DAB2IP: variants seen among roughly 807,000 people sequenced by gnomAD.
The protein encoded by DAB2IP is DAB2 interacting protein, also known as disabled homolog 2-interacting protein.
DAB2IP carries 28 observed loss-of-function variants against 107.2 expected under a neutral mutation model. The ratio of observed to expected loss-of-function variants is 0.26; its 90% CI spans 0.19 to 0.36. DAB2IP has a LOEUF of 0.36. Ranked by LOEUF, DAB2IP falls within the 10% of genes least tolerant of loss-of-function variation. The pLI is 1.00. For synonymous variants in DAB2IP, 755 were observed against 706.4 expected (o/e 1.07, Z -1.09); for missense variants, 1,400 against 1,644.7 (o/e 0.85, Z 2.57).
rs1288862024 is a variant in DAB2IP, at chr9:121,782,366, C to T, written c.3438C>T (p.Ala1146=). ...TTGCCTCGTTGGATGCCGCCAATGC[C>T]CGCCTCATGAGTGCCCTGACCCAGC... Residue 1146 remains alanine, a synonymous_variant, in exon 16 of 16, where the codon GCC becomes GCT. Transcript: ENST00000408936. The surrounding 1 kb of genome is among the most constrained non-coding windows in gnomAD (Gnocchi z 6.1). 9 of 1,613,946 alleles carry T rather than the reference C, an allele frequency of 5.6e-6. No individual in the cohort carries two copies. The highest frequency in any genetic ancestry group is 7.6e-6 in the Non-Finnish European group (9 of 1,179,954).
upstream of DAB2IP, among the ~76,000 whole-genome samples, chr9:121,650,378 GA>G (rs1218912445): frequency 1.3e-5 from 2 of 152,226 alleles, no homozygotes; most frequent in Non-Finnish European, 2.9e-5. Context: ...GAGCGCTAGG[GA>G]GGGGGCTTCC....
intron 3 of DAB2IP, among the ~76,000 whole-genome samples, chr9:121,731,469 G>A (rs1831536754): frequency 1.3e-5 from 2 of 152,238 alleles, no homozygotes; most frequent in Admixed American, 1.3e-4. Context: ...CTTGAAGTAG[G>A]GAGTATCTAA....
chr9:121,752,033 A>T, intron 3 of DAB2IP: 1 of 985,380 alleles, frequency 1.0e-6, no homozygotes, highest in Non-Finnish European at 1.2e-6. Flanking sequence ...GTGATCTGCC[A>T]TGTTTAGAAG....
intron 3 of DAB2IP, among the ~76,000 whole-genome samples, chr9:121,734,710 G>A (rs1370364707): frequency 6.6e-6 from 1 of 152,208 alleles, no homozygotes; most frequent in Non-Finnish European, 1.5e-5. Context: ...GCTTCCAGGA[G>A]GAAGGACTAT....
At chr9:121,728,862 A>G (rs749062512) in intron 3 of DAB2IP, among the ~76,000 whole-genome samples, 17 of 152,242 alleles carry the variant, frequency 1.1e-4, no homozygotes, top group East Asian at 1.9e-4. Flanking sequence ...ACACACTTCA[A>G]AGAACACCCT....
chr9:121,601,227 C>T (rs1830675519), intron 1 of DAB2IP, among the ~76,000 whole-genome samples: 3 of 152,138 alleles, frequency 2.0e-5, no homozygotes, highest in Non-Finnish European at 4.4e-5. Context: ...ACTAAATAAC[C>T]AGCATGATGG....
chr9:121,696,657 C>T (rs910640941), intron 2 of DAB2IP, among the ~76,000 whole-genome samples: 1 of 152,186 alleles, frequency 6.6e-6, no homozygotes, highest in African/African-American at 2.4e-5. Context: ...ATTAACCTTG[C>T]TTTGTGATCT....
At chr9:121,655,168 C>G (rs1415039422) in intron 1 of DAB2IP, among the ~76,000 whole-genome samples, 1 of 152,070 alleles carries the variant, frequency 6.6e-6, no homozygotes, top group Admixed American at 6.5e-5. Context: ...GAAACAGTGA[C>G]CTTCGGAGGG....
chr9:121,670,381 T>C (rs1242247819), intron 1 of DAB2IP, among the ~76,000 whole-genome samples: 1 of 152,268 alleles, frequency 6.6e-6, no homozygotes, highest in Non-Finnish European at 1.5e-5. Context: ...GCAAGCCCTC[T>C]GGCATGGGTC....
At chr9:121,631,530 G>A (rs1019427953) in intron 1 of DAB2IP, among the ~76,000 whole-genome samples, 6 of 152,036 alleles carry the variant, frequency 3.9e-5, no homozygotes, top group African/African-American at 1.4e-4. Context: ...AGGCAAAGAA[G>A]CTTGCGGCCC....
intron 3 of DAB2IP, among the ~76,000 whole-genome samples, chr9:121,741,373 G>T (rs1380265072): frequency 6.6e-6 from 1 of 152,194 alleles, no homozygotes; most frequent in East Asian, 1.9e-4. Context: ...AACCCAGAGA[G>T]GTCTGGAGGC....
At chr9:121,757,429 C>G (rs1352089040) in intron 4 of DAB2IP, among the ~76,000 whole-genome samples, 2 of 152,214 alleles carry the variant, frequency 1.3e-5, no homozygotes, top group Non-Finnish European at 2.9e-5. Flanking sequence ...TGCTGGGGCC[C>G]CCAGTGGATG....
intron 1 of DAB2IP, among the ~76,000 whole-genome samples, chr9:121,605,140 C>T (rs1830826808): frequency 6.6e-6 from 1 of 152,170 alleles, no homozygotes; most frequent in Admixed American, 6.5e-5. Context: ...CCACCTCAGC[C>T]TCCCAAGTAG....
intron 1 of DAB2IP, among the ~76,000 whole-genome samples, chr9:121,664,315 G>C (rs1833330386): frequency 6.6e-6 from 1 of 152,216 alleles, no homozygotes; most frequent in Non-Finnish European, 1.5e-5. Context: ...TACTTCTTGA[G>C]ACCAGGTAAT....
At chr9:121,770,942 G>GTTTTGTTTTA (rs113457092) in intron 11 of DAB2IP, among the ~76,000 whole-genome samples, 13,339 of 152,146 alleles carry the variant, frequency 0.088, 1,369 homozygotes, top group African/African-American at 0.24. Flanking sequence ...GTTTTGTTTT[G>GTTTTGTTTTA]GGAAAAGTAG....
chr9:121,617,543 C>T (rs912068550), intron 1 of DAB2IP, among the ~76,000 whole-genome samples: 4 of 152,226 alleles, frequency 2.6e-5, no homozygotes, highest in African/African-American at 9.6e-5. Context: ...CTGCACCTCA[C>T]CCAAGGGAAA....
chr9:121,677,233 G>A (rs1358583328), intron 1 of DAB2IP, among the ~76,000 whole-genome samples: 2 of 152,168 alleles, frequency 1.3e-5, no homozygotes, highest in African/African-American at 2.4e-5. Context: ...TTGAAAAAAC[G>A]TGGGGGCTGA....
At chr9:121,686,461 T>C (rs1828882495) in intron 2 of DAB2IP, among the ~76,000 whole-genome samples, 1 of 152,186 alleles carries the variant, frequency 6.6e-6, no homozygotes. Flanking sequence ...TCAGATGAAC[T>C]GGTTCCCGTT....
chr9:121,567,108 C>T, exon 1 of DAB2IP: 4 of 1,586,898 alleles, frequency 2.5e-6, no homozygotes, highest in Middle Eastern at 1.7e-4. Context: ...AGATGGAATA[C>T]AAAAGGAGGA....
Sources: allele counts gnomAD v4.1 joint callset (sites outside exome capture counted in the v4.1 genomes callset), GRCh38; gene constraint gnomAD v4.1.1; non-coding constraint Gnocchi (gnomAD v3.1); transcripts MANE v1.5; gene names NCBI Gene and HGNC (gene_info 2026-07-23, HGNC 2026-07-21).